PPM1H: variants seen among roughly 807,000 people sequenced by gnomAD.
The protein encoded by PPM1H is protein phosphatase 1H.
A neutral mutation model predicts 54.9 loss-of-function variants in PPM1H; 27 were observed. That is an observed-to-expected ratio of 0.49 (90% CI 0.36 to 0.68). The LOEUF (loss-of-function observed/expected upper bound fraction) is 0.68. Ranked by LOEUF, PPM1H falls within the 30% of genes least tolerant of loss-of-function variation. The pLI is 0.00. For synonymous variants in PPM1H, 305 were observed against 270.8 expected, an observed-to-expected ratio of 1.13 and a Z score of -1.24; for missense variants, 596 against 667.8, an observed-to-expected ratio of 0.89 and a Z score of 1.19.
chr12:62,806,729 C>A (rs913198521), intron 2 of PPM1H, among the ~76,000 whole-genome samples: 4 of 152,200 alleles, frequency 2.6e-5, no homozygotes, highest in African/African-American at 9.7e-5. Flanking sequence ...TTCCCTAAGG[C>A]CTCCCCAGCC....
chr12:62,768,062 A>C (rs997923192), intron 4 of PPM1H, among the ~76,000 whole-genome samples: 6 of 152,144 alleles, frequency 3.9e-5, no homozygotes, highest in African/African-American at 1.4e-4. Flanking sequence ...CTTGAACATA[A>C]CTTTTTGAGG....
At chr12:62,880,628 G>C (rs1241109900) in intron 1 of PPM1H, among the ~76,000 whole-genome samples, 4 of 152,186 alleles carry the variant, frequency 2.6e-5, no homozygotes, top group South Asian at 2.1e-4. Context: ...CAGCTGTAAA[G>C]CTGGCCTCAT....
chr12:62,823,840 A>G (rs1015228306), intron 2 of PPM1H, among the ~76,000 whole-genome samples: 1 of 152,240 alleles, frequency 6.6e-6, no homozygotes, highest in Non-Finnish European at 1.5e-5. Context: ...AACTGGCACA[A>G]GACAGGGATG....
At chr12:62,690,602 A>G (rs557534309) in intron 7 of PPM1H, among the ~76,000 whole-genome samples, 5 of 152,300 alleles carry the variant, frequency 3.3e-5, no homozygotes, top group Admixed American at 2.0e-4. Flanking sequence ...GATTTACCCA[A>G]ACATTTATTG....
intron 1 of PPM1H, among the ~76,000 whole-genome samples, chr12:62,841,416 C>G (rs1868744017): frequency 6.6e-6 from 1 of 152,168 alleles, no homozygotes; most frequent in Admixed American, 6.5e-5. Flanking sequence ...TGGAACACAG[C>G]CACATTCGTT....
chr12:62,683,065 TA>T (rs2076031107), intron 8 of PPM1H, among the ~76,000 whole-genome samples: 3 of 146,788 alleles, frequency 2.0e-5, no homozygotes, highest in African/African-American at 5.0e-5. Context: ...TTATTATTAT[TA>T]TTATTATTAT....
chr12:62,684,995 C>T (rs2076043265), intron 8 of PPM1H, among the ~76,000 whole-genome samples: 1 of 152,128 alleles, frequency 6.6e-6, no homozygotes, highest in African/African-American at 2.4e-5. Context: ...TGCTCTTCCG[C>T]TTCCCTTCTA....
chr12:62,836,333 C>T (rs991349323), intron 1 of PPM1H, among the ~76,000 whole-genome samples: 2 of 152,202 alleles, frequency 1.3e-5, no homozygotes, highest in African/African-American at 2.4e-5. Flanking sequence ...CAAATGTTTA[C>T]TGAATGAATG....
At chr12:62,806,957 T>C (rs1422699447) in intron 2 of PPM1H, among the ~76,000 whole-genome samples, 4 of 152,136 alleles carry the variant, frequency 2.6e-5, no homozygotes, top group African/African-American at 9.7e-5. Context: ...CAGGACACAT[T>C]GGAGAAGGCT....
rs944720616 is a variant in PPM1H, at chr12:62,844,367, G to A, written c.246-12088C>T. 3.3e-5 allele frequency among the ~76,000 whole-genome samples: 5 copies of A among 152,128 alleles called. No individual in the cohort carries two copies. Among genetic ancestry groups the A allele is most frequent in the East Asian group, 1.9e-4 (1 of 5,196 alleles). On this transcript the variant is annotated intron_variant, in intron 1 of 9. Transcript: ENST00000228705. The surrounding 1 kb of genome is among the most constrained non-coding windows in gnomAD (Gnocchi z 5.2). ...TCCTGAGGAGAAATAATGTTCTGAG[G>A]GGCAAGGGGGGCGTCTTATCTCTGA...
chr12:62,746,271 T>G (rs968526706), intron 4 of PPM1H, among the ~76,000 whole-genome samples: 13 of 152,222 alleles, frequency 8.5e-5, no homozygotes, highest in South Asian at 2.1e-4. Flanking sequence ...TGTAACAGTC[T>G]GATACATATA....
intron 9 of PPM1H, among the ~76,000 whole-genome samples, chr12:62,654,146 G>C (rs1273491044): frequency 7.3e-6 from 1 of 137,320 alleles, no homozygotes; most frequent in Non-Finnish European, 1.5e-5. Context: ...GAGGTGGGAA[G>C]ATCTCTAGAG....
intron 9 of PPM1H, among the ~76,000 whole-genome samples, chr12:62,664,575 T>A (rs145396321): frequency 6.6e-6 from 1 of 152,228 alleles, no homozygotes; most frequent in African/African-American, 2.4e-5. Context: ...CTTGACAATT[T>A]GTACGCTATT....
Position 62,662,670 on chromosome 12 carries a change from G to A in PPM1H, c.1397+4508C>T, listed in dbSNP as rs971844010. On this transcript the variant is annotated intron_variant, in intron 9 of 9. Coordinates refer to ENST00000228705, the MANE Select transcript of PPM1H (RefSeq NM_020700.2). ...AGGGGAAGAGCCAAAATTCAACTCGGGAAGTAATTATAGATTACAGGCTCT... is the reference window on the plus strand; with the variant it reads ...AGGGGAAGAGCCAAAATTCAACTCGAGAAGTAATTATAGATTACAGGCTCT... Among the ~76,000 whole-genome samples the A allele has an allele frequency of 5.9e-5, 9 of 152,228 alleles. No homozygotes were observed. The South Asian group carries it at 6.2e-4, about 11-fold the overall frequency.
At chr12:62,845,491 T>A (rs1362411259) in intron 1 of PPM1H, among the ~76,000 whole-genome samples, 1 of 152,248 alleles carries the variant, frequency 6.6e-6, no homozygotes, top group Non-Finnish European at 1.5e-5. Context: ...GGCAATTCTC[T>A]GACACCTGGT....
chr12:62,927,676 GAAAAGA>G (rs1177596183), intron 1 of PPM1H, among the ~76,000 whole-genome samples: 2 of 148,120 alleles, frequency 1.4e-5, no homozygotes, highest in African/African-American at 5.0e-5. Context: ...AAAAAAAAAA[GAAAAGA>G]AAAAGAAAAA....
chr12:62,809,791 C>G (rs2076824302), intron 2 of PPM1H, among the ~76,000 whole-genome samples: 1 of 152,198 alleles, frequency 6.6e-6, no homozygotes, highest in Non-Finnish European at 1.5e-5. Context: ...CACTCTTCAG[C>G]ACATCTCTTG....
rs528349204 is a variant in PPM1H, at chr12:62,851,879, T to C, written c.246-19600A>G. Among the ~76,000 whole-genome samples the C allele has an allele frequency of 4.1e-4, 62 of 152,278 alleles. No individual in the cohort carries two copies. The South Asian group carries it at 8.1e-3, about 20-fold the overall frequency. On this transcript the variant is annotated intron_variant, in intron 1 of 9. Transcript: ENST00000228705. The stretch of plus-strand genomic sequence containing the variant: ...TAAAGTACTATGGACTGAATGTTTG[T>C]GTCTCTGCCAAAATTCATATGTTGA...
Position 62,838,920 on chromosome 12 carries a change from CAAAAAAAAAAAAAA to C in PPM1H, c.246-6655_246-6642del, listed in dbSNP as rs71278269. 2.7e-4 allele frequency among the ~76,000 whole-genome samples: 9 copies of C among 33,300 alleles called. 1 individual carries two copies. Among genetic ancestry groups the C allele is most frequent in the East Asian group, 1.2e-3 (1 of 810 alleles). 21.8% of individuals were successfully genotyped at this position (33,300 alleles called of 152,430 possible). A position where few individuals can be genotyped will look rare whatever the true frequency, so the allele number is the denominator to read the frequency against. On this transcript the variant is annotated intron_variant, in intron 1 of 9. Transcript: ENST00000228705. ...TGGGCGACAGAGCGAGACTCCGTCT[CAAAAAAAAAAAAAA>C]AAAAAAAAAAAAAAAAAGAATAATA...
Sources: gnomAD v4.1 joint callset for allele counts (sites outside exome capture counted in the v4.1 genomes callset) on GRCh38, gnomAD v4.1.1 for gene constraint, Gnocchi (gnomAD v3.1) non-coding constraint, MANE v1.5 for transcripts, NCBI Gene and HGNC (gene_info 2026-07-23, HGNC 2026-07-21) for gene names.